Variants in ITGB8 observed in about 807,000 individuals in gnomAD.
ITGB8 encodes integrin subunit beta 8, also known as integrin beta-8.
A neutral mutation model predicts 89.5 loss-of-function variants in ITGB8; 30 were observed. The ratio of observed to expected loss-of-function variants is 0.34; its 90% CI spans 0.25 to 0.45. ITGB8 has a LOEUF of 0.45. Ranked by LOEUF, ITGB8 falls within the 20% of genes least tolerant of loss-of-function variation. The pLI is 1.00. For synonymous variants in ITGB8, 335 were observed against 320.4 expected (o/e 1.05, Z -0.49); for missense variants, 836 against 933.3 (o/e 0.90, Z 1.36).
At chr7:20,355,986 CCT>C (rs887635117) in intron 1 of ITGB8, among the ~76,000 whole-genome samples, 24 of 152,260 alleles carry the variant, frequency 1.6e-4, no homozygotes, top group African/African-American at 5.1e-4. Context: ...CCTTGCTCCC[CCT>C]GTTTTGAGGG....
At chr7:20,351,806 T>C (rs958329194) in intron 1 of ITGB8, among the ~76,000 whole-genome samples, 1 of 152,182 alleles carries the variant, frequency 6.6e-6, no homozygotes, top group African/African-American at 2.4e-5. Context: ...ATGTAGAAAA[T>C]GCATTCTTAC....
intron 1 of ITGB8, among the ~76,000 whole-genome samples, chr7:20,359,707 A>T (rs990328948): frequency 1.3e-5 from 2 of 151,964 alleles, no homozygotes; most frequent in East Asian, 3.9e-4. Context: ...GAGAGAAGAA[A>T]TTCCTAGCAC....
intron 7 of ITGB8, among the ~76,000 whole-genome samples, chr7:20,394,035 A>C (rs943951308): frequency 2.0e-5 from 3 of 152,244 alleles, no homozygotes; most frequent in Non-Finnish European, 4.4e-5. Flanking sequence ...TGTATAAAGT[A>C]GGAGCTCAAT....
intron 7 of ITGB8, among the ~76,000 whole-genome samples, chr7:20,392,702 A>C (rs1786912695): frequency 6.6e-6 from 1 of 152,150 alleles, no homozygotes. Context: ...CCAAGTCTCC[A>C]TTATCTATCA....
At chr7:20,391,583 A>T in intron 7 of ITGB8, 85 bp downstream of exon 7, 2 of 626,462 alleles carry the variant, frequency 3.2e-6, no homozygotes, top group East Asian at 3.1e-5. Flanking sequence ...ACAGATAAGG[A>T]TTCTGGAATT....
At chr7:20,341,448 G>A (rs1030988796) in intron 1 of ITGB8, among the ~76,000 whole-genome samples, 2 of 152,174 alleles carry the variant, frequency 1.3e-5, no homozygotes, top group Non-Finnish European at 2.9e-5. Flanking sequence ...GAGGGCCAAC[G>A]TATATAATCA....
chr7:20,358,441 A>G (rs1430237028), intron 1 of ITGB8, among the ~76,000 whole-genome samples: 1 of 151,926 alleles, frequency 6.6e-6, no homozygotes, highest in Non-Finnish European at 1.5e-5. Flanking sequence ...GTGAGTCACA[A>G]TGGATGTCAA....
At chr7:20,388,319 G>A (rs144520190) in intron 6 of ITGB8, among the ~76,000 whole-genome samples, 1 of 152,296 alleles carries the variant, frequency 6.6e-6, no homozygotes, top group Admixed American at 6.5e-5. Flanking sequence ...TAGACAGAGA[G>A]GGAGTTGGAG....
chr7:20,385,935 T>C (rs1786594498), intron 6 of ITGB8, among the ~76,000 whole-genome samples: 1 of 152,208 alleles, frequency 6.6e-6, no homozygotes, highest in African/African-American at 2.4e-5. Flanking sequence ...GAGGAGATAA[T>C]TGTGATCTTT....
In ITGB8 at chr7:20,332,033, G is replaced by A. The variant is rs1784420044; in HGVS notation, c.127+100G>A. On this transcript the variant is annotated intron_variant, in intron 1 of 13. Transcript: ENST00000222573. ...AGAGCATCCCGGCCAGGTAAGTTGC[G>A]GTCATCAGAGAACTTCAAGGGGGCG... The A allele has an allele frequency of 3.0e-5, 46 of 1,511,576 alleles. 1 individual carries two copies. In the South Asian group the frequency reaches 5.0e-4, roughly 17 times the overall value. The allele number at this position is 1,511,576 out of a possible 1,614,324, so 93.6% of individuals were successfully genotyped here.
chr7:20,371,668 T>A (rs1269966118), intron 3 of ITGB8, among the ~76,000 whole-genome samples: 1 of 152,224 alleles, frequency 6.6e-6, no homozygotes, highest in Non-Finnish European at 1.5e-5. Flanking sequence ...TCCAAGTGAA[T>A]CAATAAATGT....
In ITGB8 at chr7:20,415,297, G is replaced by A. The variant is rs909798360; in HGVS notation, c.*5300G>A. The A allele has an allele frequency of 6.6e-6, 1 of 151,690 alleles. No individual in the cohort carries two copies. The highest frequency in any genetic ancestry group is 2.1e-4 in the South Asian group (1 of 4,828). 9.4% of individuals were successfully genotyped at this position (151,690 alleles called of 1,614,324 possible). A position where few individuals can be genotyped will look rare whatever the true frequency, so the allele number is the denominator to read the frequency against. ...TGAACTTCTGAAAAAAATTAGAAAT[G>A]TATTAAACTTATCAGTAACATAAAA... On this transcript the variant is annotated 3_prime_UTR_variant, in exon 14 of 14. Transcript: ENST00000222573.
intron 10 of ITGB8, among the ~76,000 whole-genome samples, chr7:20,402,562 T>C (rs1351242247): frequency 6.6e-6 from 1 of 152,228 alleles, no homozygotes; most frequent in South Asian, 2.1e-4. Flanking sequence ...TATAAGAGTA[T>C]ACTTTTCATT....
At chr7:20,399,678 C>A (rs1787229261) in intron 9 of ITGB8, among the ~76,000 whole-genome samples, 1 of 151,838 alleles carries the variant, frequency 6.6e-6, no homozygotes, top group Non-Finnish European at 1.5e-5. Flanking sequence ...GAGAGAGTAA[C>A]ACAAAGAAAC....
chr7:20,374,830 G>A (rs1040617186), intron 3 of ITGB8, among the ~76,000 whole-genome samples: 10 of 152,152 alleles, frequency 6.6e-5, no homozygotes, highest in African/African-American at 2.4e-4. Context: ...TAGCCATTGG[G>A]CATTGGCCAT....
chr7:20,332,036 C>A, intron 1 of ITGB8, 103 bp downstream of exon 1: 1 of 1,502,350 alleles, frequency 6.7e-7, no homozygotes, highest in Non-Finnish European at 8.9e-7. Flanking sequence ...AAGTTGCGGT[C>A]ATCAGAGAAC....
At chr7:20,371,405 GT>G (rs1785929996) in intron 3 of ITGB8, among the ~76,000 whole-genome samples, 2 of 152,100 alleles carry the variant, frequency 1.3e-5, no homozygotes, top group Non-Finnish European at 2.9e-5. Flanking sequence ...CTGGCAGGTT[GT>G]TTTTTAAAAT....
At chr7:20,340,171 TTGA>T (rs1381502428) in intron 1 of ITGB8, among the ~76,000 whole-genome samples, 1 of 152,236 alleles carries the variant, frequency 6.6e-6, no homozygotes, top group African/African-American at 2.4e-5. Flanking sequence ...TGGTGTTTTA[TTGA>T]TGTTTTGCTT....
chr7:20,348,579 G>C (rs541871582), intron 1 of ITGB8, among the ~76,000 whole-genome samples: 6 of 152,292 alleles, frequency 3.9e-5, no homozygotes, highest in Non-Finnish European at 5.9e-5. Context: ...TGCAGCTCCT[G>C]GCCCCAGAGA....
Sources: gnomAD v4.1 joint callset for allele counts (sites outside exome capture counted in the v4.1 genomes callset) on GRCh38, gnomAD v4.1.1 for gene constraint, MANE v1.5 for transcripts, NCBI Gene and HGNC (gene_info 2026-07-23, HGNC 2026-07-21) for gene names.